QSER1: variants seen among roughly 807,000 people sequenced by gnomAD.
QSER1 encodes glutamine and serine rich 1, also known as glutamine and serine-rich protein 1.
Under a neutral mutation model 158.5 loss-of-function variants are expected in QSER1, and 49 were observed. The observed-to-expected ratio is 0.31, with a 90% confidence interval of 0.25 to 0.39. The LOEUF is 0.39. Among genes scored for constraint, QSER1 ranks in the 10% least tolerant of loss-of-function variants. QSER1 has a pLI of 1.00. For synonymous variants in QSER1, 650 were observed against 715.5 expected (o/e 0.91, Z 1.46); for missense variants, 1,754 against 2,010.3 (o/e 0.87, Z 2.44).
At chr11:32,923,301 G>A (rs2133529716) in intron 1 of QSER1, among the ~76,000 whole-genome samples, 1 of 152,328 alleles carries the variant, frequency 6.6e-6, no homozygotes, top group East Asian at 1.9e-4. Flanking sequence ...GTTCACTGCA[G>A]AGAGGCAGGG....
chr11:32,970,771 A>G (rs550378100), intron 10 of QSER1, among the ~76,000 whole-genome samples: 28 of 152,212 alleles, frequency 1.8e-4, no homozygotes, highest in East Asian at 9.7e-4. Flanking sequence ...GTGAAATACT[A>G]TATTTTGTGG....
Position 32,932,751 on chromosome 11 carries a change from T to G in QSER1, c.1493T>G (p.Leu498Trp). The G allele has an allele frequency of 6.2e-7, 1 of 1,614,138 alleles. No homozygotes were observed. Among genetic ancestry groups the G allele is most frequent in the Non-Finnish European group, 8.5e-7 (1 of 1,180,000 alleles). ...TATAGGTCCAGCAAGGTTGAGAAATTGCCACCCTTGTATAAAACATTGACT... is the reference window on the plus strand; with the variant it reads ...TATAGGTCCAGCAAGGTTGAGAAATGGCCACCCTTGTATAAAACATTGACT... Reference protein sequence around the residue: ...QVYRSSKVEKLPPLYKTLTFS... With the variant: ...QVYRSSKVEKWPPLYKTLTFS... Residue 498 changes from leucine to tryptophan, a missense_variant, in exon 4 of 13, where the codon TTG (leucine) becomes TGG (tryptophan). This residue lies in a region of QSER1 where 1,707 missense variants were observed against 1,919.6 expected (regional missense o/e 0.89). Coordinates refer to ENST00000650167, the MANE Select transcript of QSER1 (RefSeq NM_001076786.3).
Position 32,933,178 on chromosome 11 carries a change from G to A in QSER1, c.1920G>A (p.Gln640=), listed in dbSNP as rs372947649. ...NVQTQESSSP[Q]SQKFLPAVQS... Reference sequence around the variant, plus strand: ...AGACTCAAGAGTCATCATCTCCCCAGTCCCAGAAGTTTTTGCCTGCTGTCC... The same window carrying A: ...AGACTCAAGAGTCATCATCTCCCCAATCCCAGAAGTTTTTGCCTGCTGTCC... Residue 640 remains glutamine, a synonymous_variant, in exon 4 of 13, where the codon CAG becomes CAA. Transcript: ENST00000650167. 1.1e-4 allele frequency: 183 copies of A among 1,613,654 alleles called. No individual in the cohort carries two copies. The highest frequency in any genetic ancestry group is 1.6e-4 in the South Asian group (15 of 91,020).
At chr11:32,895,259 TC>T (rs1401791415) in intron 1 of QSER1, among the ~76,000 whole-genome samples, 1 of 152,058 alleles carries the variant, frequency 6.6e-6, no homozygotes, top group Non-Finnish European at 1.5e-5. Context: ...TCATGCCCTC[TC>T]CCCCTGCTTT....
intron 1 of QSER1, among the ~76,000 whole-genome samples, chr11:32,924,338 T>TCCCAA (rs1851938749): frequency 6.6e-6 from 1 of 151,368 alleles, no homozygotes; most frequent in South Asian, 2.1e-4. Context: ...CCAAAGTGGG[T>TCCCAA]AGATTGCTTG....
intron 5 of QSER1, among the ~76,000 whole-genome samples, chr11:32,954,618 A>G (rs1852480207): frequency 6.6e-6 from 1 of 152,200 alleles, no homozygotes; most frequent in South Asian, 2.1e-4. Flanking sequence ...TATGTAAGAA[A>G]GTTGTAGCTG....
At chr11:32,952,109 G>T (rs1852432016) in intron 4 of QSER1, among the ~76,000 whole-genome samples, 1 of 152,080 alleles carries the variant, frequency 6.6e-6, no homozygotes, top group Non-Finnish European at 1.5e-5. Flanking sequence ...CAAAGTGCTG[G>T]GATTACAGGC....
At chr11:32,927,814 A>G in intron 2 of QSER1, 148 bp from the exon 3 acceptor site, 1 of 374,526 alleles carries the variant, frequency 2.7e-6, no homozygotes, top group Non-Finnish European at 4.7e-6. Flanking sequence ...GGTCAAATTA[A>G]TATGTTTACT....
intron 1 of QSER1, among the ~76,000 whole-genome samples, chr11:32,925,745 C>G (rs1851961678): frequency 6.6e-6 from 1 of 151,926 alleles, no homozygotes; most frequent in South Asian, 2.1e-4. Context: ...CCAGGCTGAT[C>G]TCAAACTCCT....
At chr11:32,959,273 CA>C (rs1457556801) in intron 8 of QSER1, among the ~76,000 whole-genome samples, 1 of 152,182 alleles carries the variant, frequency 6.6e-6, no homozygotes, top group African/African-American at 2.4e-5. Context: ...GACCATATGA[CA>C]AAATCTAAAA....
At chr11:32,967,139 A>G (rs1852763748) in intron 9 of QSER1, among the ~76,000 whole-genome samples, 1 of 152,222 alleles carries the variant, frequency 6.6e-6, no homozygotes, top group African/African-American at 2.4e-5. Context: ...AGTGAATACT[A>G]TTCAGCCATA....
At chr11:32,894,865 C>T (rs1851535165) in intron 1 of QSER1, among the ~76,000 whole-genome samples, 1 of 152,154 alleles carries the variant, frequency 6.6e-6, no homozygotes, top group East Asian at 1.9e-4. Flanking sequence ...TGGCACTTCA[C>T]CCATTATTTC....
Position 32,973,510 on chromosome 11 carries a change from A to G in QSER1, c.5319A>G (p.Lys1773=). The G allele has an allele frequency of 6.2e-7, 1 of 1,612,728 alleles. No individual in the cohort carries two copies. The highest frequency in any genetic ancestry group is 1.1e-5 in the South Asian group (1 of 90,768). ...TGAATGGCAAAGCCTATAATAAGAAAACTCTAAGGACTTCTAAAACAACCA... is the reference window on the plus strand; with the variant it reads ...TGAATGGCAAAGCCTATAATAAGAAGACTCTAAGGACTTCTAAAACAACCA... ...IKMNGKAYNK[K]TLRTSKTTTK... The change falls in exon 11 of 13, where the codon AAA becomes AAG. Residue 1773 remains lysine (K), a synonymous_variant. Transcript: ENST00000650167.
intron 8 of QSER1, among the ~76,000 whole-genome samples, chr11:32,964,731 T>TACACACACACACAC (rs1356506353): frequency 3.5e-5 from 4 of 113,098 alleles, no homozygotes; most frequent in Middle Eastern, 4.1e-3. Flanking sequence ...TATATATATA[T>TACACACACACACAC]ATATATATAC....
intron 5 of QSER1, among the ~76,000 whole-genome samples, chr11:32,954,907 T>A (rs1751322942): frequency 6.6e-6 from 1 of 152,240 alleles, no homozygotes; most frequent in Non-Finnish European, 1.5e-5. Context: ...AACATTCAAG[T>A]GTCTGTATTC....
intron 1 of QSER1, among the ~76,000 whole-genome samples, chr11:32,907,576 AC>A (rs1342284367): frequency 6.6e-6 from 1 of 152,226 alleles, no homozygotes; most frequent in East Asian, 1.9e-4. Flanking sequence ...ATTTCGTAGC[AC>A]CCATACATTT....
intron 1 of QSER1, among the ~76,000 whole-genome samples, chr11:32,909,818 TG>T (rs201767447): frequency 1.1e-4 from 16 of 151,820 alleles, no homozygotes; most frequent in East Asian, 1.9e-4. Flanking sequence ...GTCGTGTGTA[TG>T]GGGGGGGTGT....
At chr11:32,900,135 C>G (rs1293341884) in intron 1 of QSER1, among the ~76,000 whole-genome samples, 1 of 152,188 alleles carries the variant, frequency 6.6e-6, no homozygotes, top group Admixed American at 6.5e-5. Context: ...CAGTTGCCTC[C>G]TGTTGCTTTT....
Position 32,927,988 on chromosome 11 carries a change from G to GT in QSER1, c.350dup (p.Asn118GlufsTer6). ...TCTTTCTGGAATATTTGATACTAGT[G>GT]TGAACAGTGCCAGCAGTAACACTAA... On this transcript the variant is annotated frameshift_variant, in exon 3 of 13. Coordinates refer to ENST00000650167, the MANE Select transcript of QSER1 (RefSeq NM_001076786.3). LOFTEE classifies it high-confidence loss of function. 1 of 1,190,420 alleles carries GT rather than the reference G, an allele frequency of 8.4e-7. No homozygotes were observed. Among genetic ancestry groups the GT allele is most frequent in the African/African-American group, 1.5e-5 (1 of 66,042 alleles). 73.7% of individuals were successfully genotyped at this position (1,190,420 alleles called of 1,614,324 possible).
Sources: allele counts gnomAD v4.1 joint callset (sites outside exome capture counted in the v4.1 genomes callset), GRCh38; gene constraint gnomAD v4.1.1; regional missense constraint gnomAD v4.1.1; transcripts MANE v1.5; gene names NCBI Gene and HGNC (gene_info 2026-07-23, HGNC 2026-07-21).